MTHFD2L: variants seen among roughly 807,000 people sequenced by gnomAD.
The protein encoded by MTHFD2L is methylenetetrahydrofolate dehydrogenase (NADP+ dependent) 2 like, also known as bifunctional methylenetetrahydrofolate dehydrogenase/cyclohydrolase 2, mitochondrial.
In MTHFD2L, 29 loss-of-function variants were observed where a neutral mutation model predicts 34.9. The ratio of observed to expected loss-of-function variants is 0.83; its 90% CI spans 0.62 to 1.13. The LOEUF is 1.13. Ranked by LOEUF, MTHFD2L falls within the 50% of genes most tolerant of loss-of-function variation. MTHFD2L has a pLI of 0.00. For missense variants in MTHFD2L, 481 were observed against 446.5 expected, an observed-to-expected ratio of 1.08 and a Z score of -0.70; for synonymous variants, 167 against 155.7, an observed-to-expected ratio of 1.07 and a Z score of -0.54.
chr4:74,227,707 A>G (rs767053260), intron 6 of MTHFD2L, among the ~76,000 whole-genome samples: 51 of 152,320 alleles, frequency 3.3e-4, no homozygotes, highest in Middle Eastern at 3.4e-3. Flanking sequence ...GGCCATGGTT[A>G]GGATTTTGAT....
intron 1 of MTHFD2L, among the ~76,000 whole-genome samples, chr4:74,165,900 G>C (rs1046042376): frequency 2.4e-4 from 37 of 152,068 alleles, no homozygotes; most frequent in Non-Finnish European, 1.6e-4. Flanking sequence ...ACTTTTCTTT[G>C]ACAAATATTT....
Position 74,201,217 on chromosome 4 carries a change from C to T in MTHFD2L, c.605-46C>T, listed in dbSNP as rs779082059. On this transcript the variant is annotated intron_variant, in intron 4 of 7. Transcript: ENST00000325278. ...GTTGGCTGTACAAATGTTTAATTTA[C>T]TTCTTGTTGTCAATTCTGCATTTAA... The T allele has an allele frequency of 3.5e-6, 5 of 1,435,650 alleles. No individual in the cohort carries two copies. The South Asian group carries it at 4.9e-5, about 14-fold the overall frequency. 88.9% of individuals were successfully genotyped at this position (1,435,650 alleles called of 1,614,324 possible). A position where few individuals can be genotyped will look rare whatever the true frequency, so the allele number is the denominator to read the frequency against.
chr4:74,294,877 C>G (rs1189497701), intron 7 of MTHFD2L, among the ~76,000 whole-genome samples: 1 of 151,926 alleles, frequency 6.6e-6, no homozygotes, highest in Non-Finnish European at 1.5e-5. Flanking sequence ...AGAGAGAACA[C>G]GGAAGATTAG....
intron 5 of MTHFD2L, among the ~76,000 whole-genome samples, chr4:74,204,622 C>T (rs1734987550): frequency 6.6e-6 from 1 of 152,056 alleles, no homozygotes; most frequent in Non-Finnish European, 1.5e-5. Context: ...TAGTACTTTA[C>T]AATATATTTT....
chr4:74,268,242 C>T (rs1357092754), intron 6 of MTHFD2L: 10 of 982,598 alleles, frequency 1.0e-5, no homozygotes, highest in Non-Finnish European at 1.2e-5. Context: ...ATATTACTGT[C>T]TGCAAAGCAA....
chr4:74,170,108 A>C (rs1011903446), intron 1 of MTHFD2L, among the ~76,000 whole-genome samples: 2 of 152,232 alleles, frequency 1.3e-5, no homozygotes, highest in African/African-American at 4.8e-5. Context: ...TGAAGAGGAT[A>C]GAATTCTTCC....
At chr4:74,221,590 C>T (rs1248173990) in intron 5 of MTHFD2L, among the ~76,000 whole-genome samples, 3 of 151,712 alleles carry the variant, frequency 2.0e-5, no homozygotes, top group Admixed American at 6.6e-5. Context: ...TACATGTTTG[C>T]TTTCAACATT....
At chr4:74,176,903 A>G (rs1560450047) in intron 3 of MTHFD2L, among the ~76,000 whole-genome samples, 1 of 151,996 alleles carries the variant, frequency 6.6e-6, no homozygotes, top group Non-Finnish European at 1.5e-5. Flanking sequence ...TTTATGTGGT[A>G]TTAATATTTT....
chr4:74,157,815 C>A (rs1484941981), upstream of MTHFD2L: 10 of 539,162 alleles, frequency 1.9e-5, no homozygotes, highest in Admixed American at 8.9e-5. Context: ...TGGAGGCCTT[C>A]TCTGTGCCGT....
At chr4:74,196,956 A>G (rs2110041314) in intron 3 of MTHFD2L, among the ~76,000 whole-genome samples, 2 of 152,070 alleles carry the variant, frequency 1.3e-5, no homozygotes, top group South Asian at 4.2e-4. Context: ...AAAAAAAAAA[A>G]AAAAAAACCC....
chr4:74,117,187 G>T lies in MTHFD2L; in HGVS notation c.-144+2530G>T, dbSNP rs571887269. 2.0e-5 allele frequency among the ~76,000 whole-genome samples: 3 copies of T among 152,330 alleles called. No individual in the cohort carries two copies. The East Asian group carries it at 5.8e-4, about 29-fold the overall frequency. On this transcript the variant is annotated intron_variant and NMD_transcript_variant, in intron 2 of 9. Coordinates refer to the MTHFD2L transcript ENST00000429519. The stretch of plus-strand genomic sequence containing the variant: ...CATGACAACAAATGACATTGTCTAG[G>T]AAACAGTGAGTCATGGCATGCTGAG...
intron 6 of MTHFD2L, among the ~76,000 whole-genome samples, chr4:74,277,783 C>T (rs1367759319): frequency 1.3e-5 from 2 of 151,730 alleles, no homozygotes; most frequent in Admixed American, 6.6e-5. Flanking sequence ...GGGGTTTTCT[C>T]GTTTTGTTTT....
upstream of MTHFD2L, among the ~76,000 whole-genome samples, chr4:74,154,008 G>A (rs1274894691): frequency 6.6e-6 from 1 of 152,084 alleles, no homozygotes; most frequent in Non-Finnish European, 1.5e-5. Context: ...TAGTTGTCAT[G>A]TTTTTCTAGG....
intron 6 of MTHFD2L, 72 bp from the exon 7 acceptor site, chr4:74,281,351 ATT>A: frequency 9.5e-7 from 1 of 1,052,876 alleles, no homozygotes; most frequent in Non-Finnish European, 1.3e-6. Flanking sequence ...GTGTGTGTGT[ATT>A]TTTAAAGCCT....
At chr4:74,185,935 G>C (rs1731151888) in intron 3 of MTHFD2L, among the ~76,000 whole-genome samples, 1 of 152,088 alleles carries the variant, frequency 6.6e-6, no homozygotes, top group Admixed American at 6.5e-5. Context: ...TACAAGAAAG[G>C]AGAATTATGA....
chr4:74,201,174 T>G, intron 4 of MTHFD2L, 89 bp from the exon 5 acceptor site: 1 of 880,018 alleles, frequency 1.1e-6, no homozygotes, highest in Non-Finnish European at 1.7e-6. Context: ...AATTAGAAAT[T>G]TTTAAAAGAA....
chr4:74,198,364 A>G (rs981569095), intron 3 of MTHFD2L, among the ~76,000 whole-genome samples: 9 of 152,178 alleles, frequency 5.9e-5, no homozygotes, highest in East Asian at 1.9e-4. Flanking sequence ...AAAATCTACA[A>G]AGAGTCCTTG....
chr4:74,127,790 T>C (rs1722184400), intron 1 of MTHFD2L, among the ~76,000 whole-genome samples: 2 of 152,156 alleles, frequency 1.3e-5, no homozygotes, highest in Non-Finnish European at 2.9e-5. Context: ...GGGTCATGTG[T>C]AGTTCTATTT....
intron 5 of MTHFD2L, among the ~76,000 whole-genome samples, chr4:74,205,961 G>A (rs913912870): frequency 7.9e-5 from 12 of 152,072 alleles, no homozygotes; most frequent in Non-Finnish European, 7.4e-5. Context: ...GCTAATTGAG[G>A]TGACATGAAG....
Sources: allele counts gnomAD v4.1 joint callset (sites outside exome capture counted in the v4.1 genomes callset), GRCh38; gene constraint gnomAD v4.1.1; transcripts MANE v1.5; gene names NCBI Gene and HGNC (gene_info 2026-07-23, HGNC 2026-07-21).